Variants in SNX7 observed in about 807,000 individuals in gnomAD.
SNX7 encodes sorting nexin-7.
In SNX7, 35 loss-of-function variants were observed where a neutral mutation model predicts 48.4. The ratio of observed to expected loss-of-function variants is 0.72; its 90% CI spans 0.55 to 0.96. SNX7 has a LOEUF of 0.96. Ranked by LOEUF, SNX7 falls within the 40% of genes least tolerant of loss-of-function variation. The pLI is 0.00. For synonymous variants in SNX7, 190 were observed against 190.2 expected (o/e 1.00, Z 0.01); for missense variants, 553 against 548.9 (o/e 1.01, Z -0.07).
At chr1:98,685,486 G>T (rs1045546123) in intron 2 of SNX7, among the ~76,000 whole-genome samples, 3 of 152,052 alleles carry the variant, frequency 2.0e-5, no homozygotes, top group African/African-American at 7.2e-5. Context: ...AGTGGGACAG[G>T]TGGCCACTTT....
At chr1:98,668,455 A>G (rs1649662909) in intron 1 of SNX7, among the ~76,000 whole-genome samples, 2 of 152,186 alleles carry the variant, frequency 1.3e-5, no homozygotes, top group South Asian at 2.1e-4. Flanking sequence ...CTTGTTATGG[A>G]TTCTTTGGAA....
chr1:98,741,732 A>G (rs915502482), intron 8 of SNX7, among the ~76,000 whole-genome samples: 2 of 152,158 alleles, frequency 1.3e-5, no homozygotes, highest in Non-Finnish European at 2.9e-5. Flanking sequence ...TGCCCTGGAT[A>G]CAGGGCATGG....
intron 7 of SNX7, among the ~76,000 whole-genome samples, chr1:98,711,869 A>G (rs1210675183): frequency 6.6e-6 from 1 of 152,240 alleles, no homozygotes; most frequent in Non-Finnish European, 1.5e-5. Flanking sequence ...CAATCCATTC[A>G]AAACTTGCCA....
At chr1:98,711,275 C>T (rs35313563) in intron 7 of SNX7, among the ~76,000 whole-genome samples, 32,141 of 152,030 alleles carry the variant, frequency 0.21, 3,671 homozygotes, top group East Asian at 0.31. Flanking sequence ...GCCTTGACCT[C>T]CCAAAGTGCT....
intron 7 of SNX7, among the ~76,000 whole-genome samples, chr1:98,724,347 T>C (rs903171195): frequency 6.6e-6 from 1 of 152,028 alleles, no homozygotes; most frequent in Non-Finnish European, 1.5e-5. Context: ...ATAAGAATGA[T>C]TTGTAATTAT....
intron 8 of SNX7, among the ~76,000 whole-genome samples, 188 bp from the exon 9 acceptor site, chr1:98,759,866 C>T (rs967359719): frequency 6.6e-6 from 1 of 151,908 alleles, no homozygotes; most frequent in Non-Finnish European, 1.5e-5. Flanking sequence ...TATGTTTTCC[C>T]CTTACTTAGC....
chr1:98,701,526 C>T (rs992922742), intron 6 of SNX7, among the ~76,000 whole-genome samples: 9 of 151,734 alleles, frequency 5.9e-5, no homozygotes, highest in Non-Finnish European at 1.0e-4. Flanking sequence ...ATTGTACATG[C>T]GTATTCCACC....
rs1491348958 is a variant in SNX7 at position 98,663,252 on chromosome 1, G to GTTTTT, written c.180+1341_180+1342insTTTTT. Among the ~76,000 whole-genome samples the GTTTTT allele has an allele frequency of 5.7e-4, 47 of 83,158 alleles. 20 individuals carry two copies. Among genetic ancestry groups the GTTTTT allele is most frequent in the East Asian group, 2.4e-3 (6 of 2,478 alleles). 54.6% of individuals were successfully genotyped at this position (83,158 alleles called of 152,430 possible). A position where few individuals can be genotyped will look rare whatever the true frequency, so the allele number is the denominator to read the frequency against. ...ATCAGAATCATCAGGGTTTCTTTCT[G>GTTTTT]GTTTTTTTTTTTTTTTTTTTTTTTT... On this transcript the variant is annotated intron_variant, in intron 1 of 8. Transcript: ENST00000306121.
chr1:98,696,681 A>G (rs1651476401), intron 5 of SNX7, among the ~76,000 whole-genome samples: 1 of 152,036 alleles, frequency 6.6e-6, no homozygotes, highest in Non-Finnish European at 1.5e-5. Flanking sequence ...AATGTAGTAT[A>G]ATAATTTATT....
chr1:98,718,590 AAAGAT>A (rs1387424839), intron 7 of SNX7, among the ~76,000 whole-genome samples: 2 of 152,134 alleles, frequency 1.3e-5, no homozygotes, highest in African/African-American at 4.8e-5. Context: ...ATTTATTTGA[AAAGAT>A]AATATATTCA....
chr1:98,759,849 C>T (rs1021903590), intron 8 of SNX7, among the ~76,000 whole-genome samples: 27 of 151,968 alleles, frequency 1.8e-4, no homozygotes, highest in African/African-American at 6.3e-4. Context: ...ATCTTTTTAA[C>T]CTTTAATATG....
intron 8 of SNX7, among the ~76,000 whole-genome samples, chr1:98,756,477 T>C (rs1182389034): frequency 7.2e-6 from 1 of 138,258 alleles, no homozygotes; most frequent in African/African-American, 2.6e-5. Context: ...CTGCTGGTGA[T>C]AAATTTTGCA....
chr1:98,689,551 A>G (rs1049017485), intron 2 of SNX7, among the ~76,000 whole-genome samples: 1 of 152,142 alleles, frequency 6.6e-6, no homozygotes, highest in Non-Finnish European at 1.5e-5. Flanking sequence ...CTTACTTAAA[A>G]TGTTGGATAT....
chr1:98,697,833 G>T (rs2100968982), intron 5 of SNX7, among the ~76,000 whole-genome samples: 1 of 152,234 alleles, frequency 6.6e-6, no homozygotes, highest in African/African-American at 2.4e-5. Flanking sequence ...AACAGAATCA[G>T]AGGAGATTTA....
chr1:98,674,081 G>GA lies in SNX7; in HGVS notation c.181-10797dup, dbSNP rs559498470. On this transcript the variant is annotated intron_variant, in intron 1 of 8. Coordinates refer to ENST00000306121, the MANE Select transcript of SNX7 (RefSeq NM_015976.5). ...CATCTAATTGCATTAAAGGAGGGTG[G>GA]AAAAAAACATTCCCAGAAATTCCTG... Among the ~76,000 whole-genome samples, 22 of 152,128 alleles carry GA rather than the reference G, an allele frequency of 1.4e-4. No individual in the cohort carries two copies. In the South Asian group the frequency reaches 4.6e-3, roughly 32 times the overall value.
rs139415067 is a variant in SNX7 at position 98,701,122 on chromosome 1, G to A, written c.1039-695G>A. 7.2e-4 allele frequency among the ~76,000 whole-genome samples: 109 copies of A among 152,104 alleles called. 1 individual carries two copies. In the East Asian group the frequency reaches 0.019, roughly 26 times the overall value. On this transcript the variant is annotated intron_variant, in intron 6 of 8. Transcript: ENST00000306121. The stretch of plus-strand genomic sequence containing the variant: ...TCACTTAAAGACATTGTAAAAGTTC[G>A]GCAAAAATGAAAGATGTAGTTGAAT...
intron 7 of SNX7, among the ~76,000 whole-genome samples, chr1:98,736,566 A>G (rs921128269): frequency 2.6e-5 from 4 of 152,202 alleles, no homozygotes; most frequent in Admixed American, 2.0e-4. Flanking sequence ...ATTCCCATAC[A>G]GTATTCTCGC....
intron 7 of SNX7, among the ~76,000 whole-genome samples, chr1:98,723,582 A>G (rs1029881876): frequency 1.3e-5 from 2 of 152,102 alleles, no homozygotes; most frequent in Non-Finnish European, 2.9e-5. Flanking sequence ...AGAAAATTCT[A>G]GGTCGGGTGC....
At chr1:98,739,336 A>T (rs559852951) in intron 8 of SNX7, among the ~76,000 whole-genome samples, 2 of 152,316 alleles carry the variant, frequency 1.3e-5, no homozygotes, top group East Asian at 3.9e-4. Flanking sequence ...CCAGGGGTTG[A>T]GGACCCCTGT....
Sources: allele counts gnomAD v4.1 joint callset (sites outside exome capture counted in the v4.1 genomes callset), GRCh38; gene constraint gnomAD v4.1.1; transcripts MANE v1.5; gene names NCBI Gene and HGNC (gene_info 2026-07-23, HGNC 2026-07-21).